Variants in LMOD1 observed in about 807,000 individuals in gnomAD.
LMOD1 encodes leiomodin 1.
In LMOD1, 8 loss-of-function variants were observed where a neutral mutation model predicts 36.5. That is an observed-to-expected ratio of 0.22 (90% confidence interval 0.13 to 0.40). LMOD1 has a LOEUF of 0.40. Ranked by LOEUF, LMOD1 falls within the 10% of genes least tolerant of loss-of-function variation. The pLI is 1.00. For synonymous variants in LMOD1, 284 were observed against 288.7 expected (o/e 0.98, Z 0.17); for missense variants, 630 against 751.1 (o/e 0.84, Z 1.88).
Position 201,899,037 on chromosome 1 carries a change from G to A in LMOD1, c.1776+200C>T. 1 of 528,292 alleles carries A rather than the reference G, an allele frequency of 1.9e-6. No individual in the cohort carries two copies. The highest frequency in any genetic ancestry group is 2.9e-5 in the East Asian group (1 of 34,320). The allele number at this position is 528,292 out of a possible 1,614,324, so 32.7% of individuals were successfully genotyped here. ...TCCTTAAAGGAAGGGTAGAGTCTCA[G>A]CTCTAGGGGATATACAGGTGTGACC... is the stretch of plus-strand genomic sequence containing the variant. On this transcript the variant is annotated intron_variant, in intron 2 of 2. Coordinates refer to ENST00000367288, the MANE Select transcript of LMOD1 (RefSeq NM_012134.3). This position sits in a 1 kb window ranked among gnomAD's most constrained non-coding sequence, Gnocchi z 6.3.
chr1:201,928,249 G>T (rs1681862719), intron 1 of LMOD1, among the ~76,000 whole-genome samples: 2 of 152,112 alleles, frequency 1.3e-5, no homozygotes, highest in African/African-American at 4.8e-5. Flanking sequence ...TAAGACGGGG[G>T]AATTGAGGAT....
In LMOD1 at chr1:201,910,744, C is replaced by CTTTTTTTTTTTTTTTTT. The variant is rs58506647; in HGVS notation, c.262-10010_262-9994dup. Among the ~76,000 whole-genome samples, 6 of 49,068 alleles carry CTTTTTTTTTTTTTTTTT rather than the reference C, an allele frequency of 1.2e-4. 3 individuals are homozygous for CTTTTTTTTTTTTTTTTT. Among genetic ancestry groups the CTTTTTTTTTTTTTTTTT allele is most frequent in the African/African-American group, 1.7e-4 (2 of 11,514 alleles). 32.2% of individuals were successfully genotyped at this position (49,068 alleles called of 152,430 possible). A position where few individuals can be genotyped will look rare whatever the true frequency, so the allele number is the denominator to read the frequency against. On this transcript the variant is annotated intron_variant, in intron 1 of 2. Transcript: ENST00000367288. ...TTCCCCTTTTGCAGATGGTGTCATTCTTTTTTTTTTTTTTTTTTTTTTTTT... is the reference window on the plus strand; with the variant it reads ...TTCCCCTTTTGCAGATGGTGTCATTCTTTTTTTTTTTTTTTTTTTTTTTTTTTTTTTTTTTTTTTTTT...
Position 201,900,678 on chromosome 1 carries a change from G to C in LMOD1, c.335C>G (p.Ala112Gly), listed in dbSNP as rs376103264. 2 of 1,613,820 alleles carry C rather than the reference G, an allele frequency of 1.2e-6. No homozygotes were observed. Among genetic ancestry groups the C allele is most frequent in the Non-Finnish European group, 1.7e-6 (2 of 1,179,858 alleles). ...EERGRDASKKALGPRRDSDLG... is the reference protein window; with the variant it reads ...EERGRDASKKGLGPRRDSDLG... ...ATCTGAGTCCCGTCTGGGGCCCAGG[G>C]CTTTTTTGCTGGCATCTCTGCCCCT... The change falls in exon 2 of 3, where the codon GCC (alanine) becomes GGC (glycine). Residue 112 changes from alanine to glycine, a missense_variant. Ala to Gly is a moderately conservative substitution (Grantham distance 60). Around this residue, in one of 3 missense-constraint regions of LMOD1, gnomAD observed 405 missense variants for 400.6 expected, o/e 1.01. Coordinates refer to ENST00000367288, the MANE Select transcript of LMOD1 (RefSeq NM_012134.3).
intron 1 of LMOD1, among the ~76,000 whole-genome samples, chr1:201,943,152 G>A (rs1682148781): frequency 6.6e-6 from 1 of 152,140 alleles, no homozygotes; most frequent in Non-Finnish European, 1.5e-5. Context: ...TGTGTGTTTT[G>A]CATGGAATCT....
intron 1 of LMOD1, among the ~76,000 whole-genome samples, chr1:201,936,446 C>CT (rs1489264245): frequency 6.6e-6 from 1 of 152,126 alleles, no homozygotes; most frequent in African/African-American, 2.4e-5. Flanking sequence ...CCCACATGAT[C>CT]GGAACCCTGC....
At chr1:201,924,469 G>C (rs1185311685) in intron 1 of LMOD1, among the ~76,000 whole-genome samples, 23 of 78,542 alleles carry the variant, frequency 2.9e-4, no homozygotes, top group Non-Finnish European at 4.9e-4. Flanking sequence ...GGGAAGGAAG[G>C]AAGGAAGGAA....
chr1:201,937,423 G>A (rs138140143), intron 1 of LMOD1, among the ~76,000 whole-genome samples: 11 of 151,550 alleles, frequency 7.3e-5, no homozygotes, highest in Admixed American at 1.3e-4. Flanking sequence ...CTCCAGCCTG[G>A]GCAACAGAGT....
intron 1 of LMOD1, among the ~76,000 whole-genome samples, chr1:201,906,608 G>A (rs1571576687): frequency 6.6e-6 from 1 of 152,202 alleles, no homozygotes; most frequent in South Asian, 2.1e-4. Context: ...AGGGCAGGCA[G>A]CAGGGCCCAG....
intron 1 of LMOD1, 56 bp from the exon 2 acceptor site, chr1:201,900,807 A>G (rs1681288356): frequency 1.4e-6 from 2 of 1,473,286 alleles, no homozygotes; most frequent in South Asian, 1.3e-5. Context: ...AGGGAGAGGA[A>G]TGAGTATGGG....
intron 1 of LMOD1, among the ~76,000 whole-genome samples, chr1:201,916,801 C>T (rs184076581): frequency 5.4e-4 from 82 of 152,224 alleles, no homozygotes; most frequent in South Asian, 6.2e-4. Context: ...CACATCAGCC[C>T]CGGTGATAAA....
intron 1 of LMOD1, among the ~76,000 whole-genome samples, chr1:201,932,964 G>T (rs1271356430): frequency 6.6e-6 from 1 of 152,172 alleles, no homozygotes. Context: ...CAACAGAAAT[G>T]AAGTCAGAAG....
intron 1 of LMOD1, among the ~76,000 whole-genome samples, chr1:201,941,544 G>A (rs1682116073): frequency 6.6e-6 from 1 of 152,328 alleles, no homozygotes; most frequent in East Asian, 1.9e-4. Flanking sequence ...ATCTCCTTAA[G>A]CATTGAGCCG....
chr1:201,922,104 A>T (rs1415565717), intron 1 of LMOD1, among the ~76,000 whole-genome samples: 4 of 152,250 alleles, frequency 2.6e-5, no homozygotes, highest in Admixed American at 2.6e-4. Flanking sequence ...AGTGTGGACA[A>T]GGATGTGGAG....
chr1:201,898,837 G>C (rs1049073698), intron 2 of LMOD1, among the ~76,000 whole-genome samples: 3 of 152,218 alleles, frequency 2.0e-5, no homozygotes, highest in Non-Finnish European at 2.9e-5. Context: ...GGACTTGGCT[G>C]GTCCTGAGAG....
chr1:201,923,010 A>C (rs150480444), intron 1 of LMOD1, among the ~76,000 whole-genome samples: 2,281 of 152,154 alleles, frequency 0.015, 23 homozygotes, highest in Non-Finnish European at 0.023. Context: ...TTTTTAGTAG[A>C]GATAGGGTTT....
At chr1:201,933,391 G>T (rs1209203158) in intron 1 of LMOD1, among the ~76,000 whole-genome samples, 1 of 149,896 alleles carries the variant, frequency 6.7e-6, no homozygotes, top group East Asian at 2.0e-4. Context: ...TCCAGCCTGG[G>T]CAACAGGAGC....
chr1:201,908,490 A>G (rs979218458), intron 1 of LMOD1, among the ~76,000 whole-genome samples: 5 of 152,160 alleles, frequency 3.3e-5, no homozygotes, highest in Middle Eastern at 3.4e-3. Flanking sequence ...ATACACAAAA[A>G]CCCAAACAGA....
At chr1:201,910,804 A>G (rs1346305477) in intron 1 of LMOD1, among the ~76,000 whole-genome samples, 1 of 117,626 alleles carries the variant, frequency 8.5e-6, no homozygotes, top group East Asian at 2.6e-4. Context: ...ACCCAGACTG[A>G]AGTGCAGTGG....
chr1:201,934,716 A>G (rs939352961), intron 1 of LMOD1, among the ~76,000 whole-genome samples: 10 of 152,182 alleles, frequency 6.6e-5, no homozygotes, highest in African/African-American at 1.7e-4. Context: ...CATTCTTGCC[A>G]AGGTTCCAAT....
Sources: gnomAD v4.1 joint callset for allele counts (sites outside exome capture counted in the v4.1 genomes callset) on GRCh38, gnomAD v4.1.1 for gene constraint, gnomAD v4.1.1 regional missense constraint, Gnocchi (gnomAD v3.1) non-coding constraint, MANE v1.5 for transcripts, NCBI Gene and HGNC (gene_info 2026-07-23, HGNC 2026-07-21) for gene names.